Variants in TMEM17 observed in about 807,000 individuals in gnomAD.
TMEM17 encodes transmembrane protein 17.
A neutral mutation model predicts 19.1 loss-of-function variants in TMEM17; 15 were observed. That is an observed-to-expected ratio of 0.78 (90% CI 0.52 to 1.21). TMEM17 has a LOEUF of 1.21. TMEM17 is among the 50% of genes most tolerant of loss of function. The pLI is 0.00. For synonymous variants in TMEM17, 103 were observed against 86.9 expected (o/e 1.19, Z -1.03); for missense variants, 245 against 242.3 (o/e 1.01, Z -0.07).
In TMEM17 at chr2:62,506,160, G is replaced by T; in HGVS notation, c.-31C>A. On this transcript the variant is annotated 5_prime_UTR_variant, in exon 1 of 4. It adds an upstream start codon to the 5' untranslated region. Coordinates refer to ENST00000335390, the MANE Select transcript of TMEM17 (RefSeq NM_198276.3). ...GGCCTCAGTATCCCTCACCCCCTCA[G>T]ACACGGGCTAGTCTGCGGGCGCTCC... 6.4e-7 allele frequency: 1 copy of T among 1,571,828 alleles called. No individual in the cohort carries two copies. The highest frequency in any genetic ancestry group is 1.4e-5 in the African/African-American group (1 of 72,534).
chr2:62,481,698 G>GGTGTGTGTGTGTGTGTGTGTGTGT, the TMEM17 span, among the ~76,000 whole-genome samples: 1 of 144,052 alleles, frequency 6.9e-6, no homozygotes, highest in Non-Finnish European at 1.5e-5. Context: ...ACCCCTTAAA[G>GGTGTGTGTGTGTGTGTGTGTGTGT]GTGTGTGTGT....
At chr2:62,501,520 C>A (rs749364798) in intron 3 of TMEM17, 33 bp from the exon 4 acceptor site, 2 of 1,577,468 alleles carry the variant, frequency 1.3e-6, no homozygotes, top group Admixed American at 1.9e-5. Flanking sequence ...TAATAAAAAT[C>A]AGTAAAATAC....
At chr2:62,495,422 T>C, downstream of TMEM17, among the ~76,000 whole-genome samples, 1 of 152,206 alleles carries the variant, frequency 6.6e-6, no homozygotes, top group South Asian at 2.1e-4. Flanking sequence ...GCGTAAACAC[T>C]GGGGAAAAAA....
the TMEM17 span, among the ~76,000 whole-genome samples, chr2:62,488,753 AGCT>A: frequency 6.7e-6 from 1 of 149,978 alleles, no homozygotes; most frequent in Non-Finnish European, 1.5e-5. Flanking sequence ...GTTTACACTG[AGCT>A]GCTGTTTGCT....
chr2:62,496,469 C>A (rs1008859245), downstream of TMEM17, among the ~76,000 whole-genome samples: 1 of 152,164 alleles, frequency 6.6e-6, no homozygotes. Context: ...AAATAACACA[C>A]AATCACTTAA....
the TMEM17 span, among the ~76,000 whole-genome samples, chr2:62,459,516 A>C: frequency 6.6e-6 from 1 of 152,182 alleles, no homozygotes; most frequent in Non-Finnish European, 1.5e-5. Flanking sequence ...TCATTAACTC[A>C]CTTTCCCGGC....
At chr2:62,483,690 C>A in the TMEM17 span, among the ~76,000 whole-genome samples, 1 of 151,544 alleles carries the variant, frequency 6.6e-6, no homozygotes, top group South Asian at 2.1e-4. Context: ...ACCTCCGCCT[C>A]CTGGGTTCAA....
the TMEM17 span, among the ~76,000 whole-genome samples, chr2:62,480,278 G>A: frequency 4.6e-5 from 7 of 150,930 alleles, no homozygotes; most frequent in South Asian, 2.1e-4. Flanking sequence ...TTTTTTTTCC[G>A]TTGAGATATT....
At chr2:62,490,894 T>C in the TMEM17 span, among the ~76,000 whole-genome samples, 3 of 151,938 alleles carry the variant, frequency 2.0e-5, no homozygotes, top group African/African-American at 4.8e-5. Context: ...CTGACCCACA[T>C]GGTGAGACCC....
chr2:62,496,374 T>C (rs1318607618), downstream of TMEM17, among the ~76,000 whole-genome samples: 2 of 152,226 alleles, frequency 1.3e-5, no homozygotes, highest in Non-Finnish European at 2.9e-5. Context: ...TTCGTTACAA[T>C]GTTATGTATA....
At chr2:62,454,928 A>G in the TMEM17 span, among the ~76,000 whole-genome samples, 1 of 152,110 alleles carries the variant, frequency 6.6e-6, no homozygotes, top group East Asian at 1.9e-4. Context: ...GATGGTCTCG[A>G]TCTCCTGACC....
chr2:62,498,512 C>G (rs1219808007), downstream of TMEM17, among the ~76,000 whole-genome samples: 1 of 150,436 alleles, frequency 6.6e-6, no homozygotes, highest in Non-Finnish European at 1.5e-5. Flanking sequence ...GTCAGGAGAT[C>G]GAGACCATCC....
the TMEM17 span, among the ~76,000 whole-genome samples, chr2:62,483,154 G>T: frequency 6.6e-6 from 1 of 152,232 alleles, no homozygotes; most frequent in Non-Finnish European, 1.5e-5. Flanking sequence ...TGATTCCAAA[G>T]TGTAGGCTCT....
At chr2:62,462,685 C>T in the TMEM17 span, among the ~76,000 whole-genome samples, 1 of 152,186 alleles carries the variant, frequency 6.6e-6, no homozygotes. Flanking sequence ...GCAGTGAACT[C>T]CTTCCCTGAA....
chr2:62,493,928 C>A, the TMEM17 span, among the ~76,000 whole-genome samples: 77 of 152,266 alleles, frequency 5.1e-4, no homozygotes, highest in African/African-American at 1.8e-3. Flanking sequence ...ACTTTTGGTT[C>A]TGTTCAGGCC....
At chr2:62,482,309 T>C in the TMEM17 span, among the ~76,000 whole-genome samples, 1 of 152,260 alleles carries the variant, frequency 6.6e-6, no homozygotes, top group Non-Finnish European at 1.5e-5. Context: ...CTGCAAAATA[T>C]TAGCTACCAT....
the TMEM17 span, among the ~76,000 whole-genome samples, chr2:62,472,618 C>G: frequency 1.3e-5 from 2 of 152,180 alleles, no homozygotes; most frequent in Non-Finnish European, 2.9e-5. Context: ...ATTTCCCAAC[C>G]TTCCTGATCC....
the TMEM17 span, among the ~76,000 whole-genome samples, chr2:62,459,496 A>T: frequency 1.5e-4 from 23 of 152,384 alleles, no homozygotes; most frequent in Non-Finnish European, 3.1e-4. Flanking sequence ...TTGATAGAGC[A>T]TCAGAATTTT....
the TMEM17 span, among the ~76,000 whole-genome samples, chr2:62,492,847 C>T: frequency 6.6e-6 from 1 of 152,190 alleles, no homozygotes; most frequent in Non-Finnish European, 1.5e-5. Flanking sequence ...AAGATTACTA[C>T]TTCAGGCAGA....
Sources: allele counts gnomAD v4.1 joint callset (sites outside exome capture counted in the v4.1 genomes callset), GRCh38; gene constraint gnomAD v4.1.1; transcripts MANE v1.5; gene names NCBI Gene and HGNC (gene_info 2026-07-23, HGNC 2026-07-21).